NELL1: variants seen among roughly 807,000 people sequenced by gnomAD.
The protein encoded by NELL1 is protein kinase C-binding protein NELL1.
In NELL1, 76 loss-of-function variants were observed where a neutral mutation model predicts 107.4. The ratio of observed to expected loss-of-function variants is 0.71; its 90% CI spans 0.59 to 0.86. The LOEUF (loss-of-function observed/expected upper bound fraction) is 0.86, where lower values mean the gene tolerates loss of function less well. Among genes scored for constraint, NELL1 ranks in the 40% least tolerant of loss-of-function variants. NELL1 has a pLI of 0.00. For missense variants in NELL1, 1,024 were observed against 1,005.5 expected (o/e 1.02, Z -0.25); for synonymous variants, 353 against 341.2 (o/e 1.03, Z -0.38).
At chr11:20,696,984 C>A (rs1166999916) in intron 2 of NELL1, among the ~76,000 whole-genome samples, 1 of 152,100 alleles carries the variant, frequency 6.6e-6, no homozygotes, top group Non-Finnish European at 1.5e-5. Context: ...TTGGCTAAAA[C>A]TCAATGATTG....
chr11:20,872,671 GGTGTGTGTGT>G (rs61184129), intron 4 of NELL1, among the ~76,000 whole-genome samples: 35 of 137,176 alleles, frequency 2.6e-4, no homozygotes, highest in East Asian at 1.8e-3. Flanking sequence ...CAGTGTTTGA[GGTGTGTGTGT>G]GTGTGTGTGT....
rs1854941241 is a variant in NELL1, at chr11:21,105,784, TCCCCTCCCCAACCTTCCCCTTCC to T, written c.1301-7803_1301-7781del. Among the ~76,000 whole-genome samples, 4 of 33,432 alleles carry T rather than the reference TCCCCTCCCCAACCTTCCCCTTCC, an allele frequency of 1.2e-4. 1 individual carries two copies. The East Asian group carries it at 3.2e-3, about 27-fold the overall frequency. 21.9% of individuals were successfully genotyped at this position (33,432 alleles called of 152,430 possible). ...CTATATCATTACCTCTCCCCTCCCC[TCCCCTCCCCAACCTTCCCCTTCC>T]CTCCTCTCCCCTTCCCTCCCTTCCC... On this transcript the variant is annotated intron_variant, in intron 12 of 19. Transcript: ENST00000357134.
chr11:20,937,362 T>A (rs915684904), intron 9 of NELL1, among the ~76,000 whole-genome samples: 2 of 152,226 alleles, frequency 1.3e-5, no homozygotes, highest in Non-Finnish European at 2.9e-5. Context: ...GGTGTCCTTC[T>A]CCATTGTGGC....
chr11:20,742,116 A>G (rs905168963), intron 2 of NELL1, among the ~76,000 whole-genome samples: 3 of 152,150 alleles, frequency 2.0e-5, no homozygotes, highest in South Asian at 2.1e-4. Context: ...GCATTCCTCT[A>G]TTGAGGAGGA....
chr11:21,402,499 G>A (rs1852122017), intron 15 of NELL1, among the ~76,000 whole-genome samples: 1 of 151,794 alleles, frequency 6.6e-6, no homozygotes, highest in African/African-American at 2.4e-5. Context: ...TGAGTAGCCA[G>A]ATGTTTTTAT....
In NELL1 at chr11:21,493,637, GA is replaced by G. The variant is rs113583987; in HGVS notation, c.1646-40735del. On this transcript the variant is annotated intron_variant, in intron 15 of 19. Coordinates refer to ENST00000357134, the MANE Select transcript of NELL1 (RefSeq NM_006157.5). The stretch of plus-strand genomic sequence containing the variant: ...AGCAGATTAAGAAAGGTTGATTAGT[GA>G]ATACAAACATATAGTTACGTAGAAG... Among the ~76,000 whole-genome samples the G allele has an allele frequency of 1.7e-3, 266 of 152,056 alleles. 1 individual carries two copies. Among genetic ancestry groups the G allele is most frequent in the African/African-American group, 5.9e-3 (245 of 41,482 alleles).
At chr11:21,368,054 T>C (rs1033721900) in intron 14 of NELL1, among the ~76,000 whole-genome samples, 6 of 152,162 alleles carry the variant, frequency 3.9e-5, no homozygotes, top group African/African-American at 1.2e-4. Context: ...TTTCTGATAT[T>C]TTATTACATA....
intron 3 of NELL1, among the ~76,000 whole-genome samples, chr11:20,804,941 T>A (rs1429868506): frequency 6.6e-6 from 1 of 152,232 alleles, no homozygotes; most frequent in Non-Finnish European, 1.5e-5. Flanking sequence ...ATATTTGCTT[T>A]ACACATCTGG....
intron 12 of NELL1, among the ~76,000 whole-genome samples, chr11:21,022,552 G>C (rs915135109): frequency 6.6e-6 from 1 of 152,052 alleles, no homozygotes; most frequent in African/African-American, 2.4e-5. Context: ...AATTTCCCCA[G>C]AGTGATCTAC....
chr11:21,047,031 T>A (rs1037054927), intron 12 of NELL1, among the ~76,000 whole-genome samples: 1 of 152,070 alleles, frequency 6.6e-6, no homozygotes, highest in Non-Finnish European at 1.5e-5. Flanking sequence ...TACTCTAGAT[T>A]TGTTAAAAGC....
At chr11:21,568,744 C>T (rs1048415641) in intron 17 of NELL1, among the ~76,000 whole-genome samples, 2 of 151,704 alleles carry the variant, frequency 1.3e-5, no homozygotes, top group Non-Finnish European at 2.9e-5. Flanking sequence ...TATTTTCCTC[C>T]ATGTCTTGTC....
At chr11:21,566,009 T>TGA (rs1856965245) in intron 17 of NELL1, among the ~76,000 whole-genome samples, 3 of 151,970 alleles carry the variant, frequency 2.0e-5, no homozygotes, top group African/African-American at 7.2e-5. Flanking sequence ...GGTTTTTTTC[T>TGA]TTAAAGAGTC....
rs75667233 is a variant in NELL1, at chr11:20,680,723, C to T, written c.184+2663C>T. Among the ~76,000 whole-genome samples the T allele has an allele frequency of 6.7e-3, 1,013 of 152,202 alleles. 8 individuals carry two copies. Among genetic ancestry groups the T allele is most frequent in the African/African-American group, 0.023 (970 of 41,534 alleles). ...CTGTCTTCTGGCTTGTGGCTCATTC[C>T]TCTGAGACATCGTTCATTTTTCATG... On this transcript the variant is annotated intron_variant, in intron 2 of 19. Coordinates refer to ENST00000357134, the MANE Select transcript of NELL1 (RefSeq NM_006157.5).
At chr11:21,006,584 C>T (rs1370774569) in intron 12 of NELL1, among the ~76,000 whole-genome samples, 1 of 152,076 alleles carries the variant, frequency 6.6e-6, no homozygotes, top group Non-Finnish European at 1.5e-5. Context: ...AGAATGGCAG[C>T]ATGCATAGTC....
chr11:20,776,541 C>A (rs1057475438), intron 2 of NELL1, among the ~76,000 whole-genome samples: 5 of 151,962 alleles, frequency 3.3e-5, no homozygotes, highest in African/African-American at 1.2e-4. Context: ...TAATCTCTGA[C>A]AATTGTGATA....
intron 13 of NELL1, among the ~76,000 whole-genome samples, chr11:21,159,067 C>T (rs535747480): frequency 6.6e-6 from 1 of 152,094 alleles, no homozygotes; most frequent in Non-Finnish European, 1.5e-5. Flanking sequence ...AGACCAAGAT[C>T]CTAACTCAAT....
intron 15 of NELL1, among the ~76,000 whole-genome samples, chr11:21,431,997 C>T (rs146668222): frequency 9.2e-5 from 14 of 152,280 alleles, no homozygotes; most frequent in Non-Finnish European, 1.8e-4. Context: ...GATAATCTTG[C>T]TTCTTCTGTG....
At chr11:21,454,755 G>T (rs189073746) in intron 15 of NELL1, among the ~76,000 whole-genome samples, 3 of 152,258 alleles carry the variant, frequency 2.0e-5, no homozygotes, top group Admixed American at 1.3e-4. Context: ...CCTTCTTTCT[G>T]TGTCCTCATA....
At chr11:21,229,237 T>A (rs1857978047) in intron 13 of NELL1, 95 bp from the exon 14 acceptor site, 2 of 1,426,424 alleles carry the variant, frequency 1.4e-6, no homozygotes, top group East Asian at 4.8e-5. Flanking sequence ...GTAGTCACTG[T>A]CATTCTTATT....
Sources: allele counts gnomAD v4.1 joint callset (sites outside exome capture counted in the v4.1 genomes callset), GRCh38; gene constraint gnomAD v4.1.1; transcripts MANE v1.5; gene names NCBI Gene and HGNC (gene_info 2026-07-23, HGNC 2026-07-21).